ANKRD12: variants seen among roughly 807,000 people sequenced by gnomAD.
ANKRD12 encodes the protein ankyrin repeat domain-containing protein 12.
Under a neutral mutation model 183.4 loss-of-function variants are expected in ANKRD12, and 85 were observed. That is an observed-to-expected ratio of 0.46 (90% CI 0.39 to 0.56). The LOEUF is 0.56. ANKRD12 is among the 20% of genes least tolerant of loss of function. The probability of loss-of-function intolerance (pLI) is 0.00; values close to 1 mark genes in which losing one functional copy is unlikely to be tolerated. For missense variants in ANKRD12, 2,405 were observed against 2,357.1 expected (o/e 1.02, Z -0.42); for synonymous variants, 914 against 800.2 (o/e 1.14, Z -2.40).
intron 1 of ANKRD12, among the ~76,000 whole-genome samples, chr18:9,172,153 C>T (rs1404653430): frequency 2.6e-5 from 4 of 151,928 alleles, no homozygotes; most frequent in Non-Finnish European, 5.9e-5. Context: ...TTCTCTCTGG[C>T]TGCCCTTAAC....
At chr18:9,202,719 A>T (rs1308903654) in intron 3 of ANKRD12, among the ~76,000 whole-genome samples, 9 of 152,220 alleles carry the variant, frequency 5.9e-5, no homozygotes, top group Non-Finnish European at 1.0e-4. Context: ...AAACAGTGGT[A>T]GTCTCATACA....
At chr18:9,188,688 T>C (rs1399472715) in intron 2 of ANKRD12, among the ~76,000 whole-genome samples, 1 of 152,240 alleles carries the variant, frequency 6.6e-6, no homozygotes, top group African/African-American at 2.4e-5. Flanking sequence ...TGTACTCACT[T>C]GTCTCTATGT....
chr18:9,153,426 C>T (rs1289328738), intron 1 of ANKRD12, among the ~76,000 whole-genome samples: 1 of 152,190 alleles, frequency 6.6e-6, no homozygotes, highest in African/African-American at 2.4e-5. Context: ...ATTTTGAAAT[C>T]CTTTGTCTTT....
intron 8 of ANKRD12, among the ~76,000 whole-genome samples, chr18:9,249,223 C>G (rs2038141311): frequency 6.6e-6 from 1 of 152,052 alleles, no homozygotes; most frequent in Non-Finnish European, 1.5e-5. Flanking sequence ...AGAAGACTTC[C>G]AAATTCCATA....
chr18:9,253,440 C>G (rs1451530945), intron 8 of ANKRD12, among the ~76,000 whole-genome samples: 1 of 152,270 alleles, frequency 6.6e-6, no homozygotes. Context: ...CTATATTTGT[C>G]TTAGTGTGTC....
intron 1 of ANKRD12, among the ~76,000 whole-genome samples, chr18:9,166,353 C>T (rs527972016): frequency 2.0e-5 from 3 of 152,316 alleles, no homozygotes; most frequent in African/African-American, 4.8e-5. Flanking sequence ...TAAAAGTGTT[C>T]CTGTTTCTCC....
chr18:9,253,207 G>A (rs1770061524), intron 8 of ANKRD12, among the ~76,000 whole-genome samples: 1 of 152,022 alleles, frequency 6.6e-6, no homozygotes, highest in Non-Finnish European at 1.5e-5. Context: ...TGTGGTAAGG[G>A]CATTCTAATT....
intron 8 of ANKRD12, among the ~76,000 whole-genome samples, chr18:9,230,961 C>T (rs2037011481): frequency 6.6e-6 from 1 of 152,126 alleles, no homozygotes; most frequent in African/African-American, 2.4e-5. Context: ...AGCCACCATG[C>T]CTGGCCTCCA....
intron 8 of ANKRD12, chr18:9,235,762 T>C (rs957770160): frequency 2.3e-5 from 10 of 441,836 alleles, no homozygotes; most frequent in Admixed American, 1.7e-4. Context: ...TTAACAGATA[T>C]TTTGTGTGGA....
Position 9,208,679 on chromosome 18 carries a change from G to A in ANKRD12, c.327G>A (p.Lys109=), listed in dbSNP as rs768702724. The A allele has an allele frequency of 3.1e-6, 5 of 1,608,684 alleles. No homozygotes were observed. Among genetic ancestry groups the A allele is most frequent in the African/African-American group, 2.7e-5 (2 of 74,550 alleles). ...CAGAGAAAGAAGGTCCAGAAAAGAA[G>A]AAGACAAAAAAGGAAGCTGGAAATA... ...TYSEKEGPEK[K]KTKKEAGNKK... The change falls in exon 5 of 13, where the codon AAG becomes AAA. Residue 109 remains lysine (K), a synonymous_variant. Transcript: ENST00000262126.
Position 9,195,672 on chromosome 18 carries a change from G to C in ANKRD12, c.209G>C (p.Arg70Thr), listed in dbSNP as rs763810808. The change falls in exon 3 of 13, where the codon AGA (arginine) becomes ACA (threonine). Residue 70 changes from arginine (R) to threonine (T), a missense_variant. Arg to Thr is a moderately conservative substitution (Grantham distance 71, BLOSUM62 -1). Around this residue, in one of 7 missense-constraint regions of ANKRD12, gnomAD observed 145 missense variants for 145.6 expected, o/e 1.00. Transcript: ENST00000262126. ...CTTCCTTTTACTATTAGCCCATCAA[G>C]AAATGAAGAACGAGATTCAGACACA... Reference protein sequence around the residue: ...RKLPFTISPSRNEERDSDTDS... With the variant: ...RKLPFTISPSTNEERDSDTDS... 4.3e-6 allele frequency: 7 copies of C among 1,611,100 alleles called. No homozygotes were observed. In the Admixed American group the frequency reaches 1.2e-4, roughly 27 times the overall value.
intron 1 of ANKRD12, among the ~76,000 whole-genome samples, chr18:9,153,051 C>T (rs2078735744): frequency 6.6e-6 from 1 of 152,136 alleles, no homozygotes; most frequent in Non-Finnish European, 1.5e-5. Context: ...CCAGGCTGGT[C>T]TCCAACTCCT....
intron 8 of ANKRD12, among the ~76,000 whole-genome samples, chr18:9,237,284 G>A (rs2037400992): frequency 6.6e-6 from 1 of 152,140 alleles, no homozygotes; most frequent in African/African-American, 2.4e-5. Flanking sequence ...ACATGGATGG[G>A]GTGAATGGAG....
chr18:9,216,837 T>C lies in ANKRD12; in HGVS notation c.732T>C (p.Val244=), dbSNP rs753458079. ...TACTTATAGCAGCTGGAGCAGATGT[T>C]AACACACAAGGATTAGATGATGACA... ...AKILIAAGAD[V]NTQGLDDDTP... is the part of the protein sequence containing the mutation. Residue 244 remains valine, a synonymous_variant, in exon 7 of 13, where the codon GTT becomes GTC. Coordinates refer to ENST00000262126, the MANE Select transcript of ANKRD12 (RefSeq NM_015208.5). 3.7e-6 allele frequency: 6 copies of C among 1,613,540 alleles called. No individual in the cohort carries two copies. Among genetic ancestry groups the C allele is most frequent in the Non-Finnish European group, 4.2e-6 (5 of 1,179,706 alleles).
At chr18:9,153,680 T>G (rs1435075023) in intron 1 of ANKRD12, among the ~76,000 whole-genome samples, 1 of 152,200 alleles carries the variant, frequency 6.6e-6, no homozygotes, top group Non-Finnish European at 1.5e-5. Flanking sequence ...TTATTGGTCA[T>G]TTTTTTCAAG....
intron 5 of ANKRD12, among the ~76,000 whole-genome samples, chr18:9,209,914 A>C (rs964550470): frequency 6.6e-6 from 1 of 152,172 alleles, no homozygotes; most frequent in Admixed American, 6.5e-5. Flanking sequence ...ACCTCCCCTC[A>C]AGAGGTGACC....
At chr18:9,276,217 A>G (rs1459432235) in intron 11 of ANKRD12, among the ~76,000 whole-genome samples, 25 of 152,250 alleles carry the variant, frequency 1.6e-4, no homozygotes. Flanking sequence ...CCAGAAAAGA[A>G]AGAATTTAAA....
intron 7 of ANKRD12, among the ~76,000 whole-genome samples, chr18:9,221,475 A>G (rs1228788519): frequency 1.3e-5 from 2 of 152,200 alleles, no homozygotes; most frequent in Non-Finnish European, 1.5e-5. Flanking sequence ...TAAGACACAC[A>G]TTTCAAGAGG....
At chr18:9,245,937 T>C (rs2037936634) in intron 8 of ANKRD12, among the ~76,000 whole-genome samples, 1 of 152,274 alleles carries the variant, frequency 6.6e-6, no homozygotes, top group East Asian at 1.9e-4. Context: ...ATGATGGTTG[T>C]ACCAATTTTG....
Sources: gnomAD v4.1 joint callset for allele counts (sites outside exome capture counted in the v4.1 genomes callset) on GRCh38, gnomAD v4.1.1 for gene constraint, gnomAD v4.1.1 regional missense constraint, MANE v1.5 for transcripts, NCBI Gene and HGNC (gene_info 2026-07-23, HGNC 2026-07-21) for gene names.